Variants in STPG2 observed in about 807,000 individuals in gnomAD.
STPG2 encodes sperm-tail PG-rich repeat-containing protein 2.
In STPG2, 56 loss-of-function variants were observed where a neutral mutation model predicts 54.2. That is an observed-to-expected ratio of 1.03 (90% CI 0.83 to 1.29). The LOEUF (loss-of-function observed/expected upper bound fraction) is 1.29, where lower values mean the gene tolerates loss of function less well. STPG2 is among the 50% of genes most tolerant of loss of function. The pLI, the probability that STPG2 is intolerant of heterozygous loss-of-function variation, is 0.00. For missense variants in STPG2, 596 were observed against 544.9 expected, an observed-to-expected ratio of 1.09 and a Z score of -0.93; for synonymous variants, 200 against 181.8, an observed-to-expected ratio of 1.10 and a Z score of -0.81.
intron 8 of STPG2, among the ~76,000 whole-genome samples, chr4:97,911,769 T>A (rs1401906972): frequency 6.6e-6 from 1 of 152,116 alleles, no homozygotes; most frequent in African/African-American, 2.4e-5. Context: ...GCCTGCCGGC[T>A]GTGGAGAGTC....
intron 7 of STPG2, among the ~76,000 whole-genome samples, chr4:97,968,877 C>T (rs550057535): frequency 1.3e-5 from 2 of 152,154 alleles, no homozygotes; most frequent in Non-Finnish European, 2.9e-5. Context: ...GCCAACAGCG[C>T]GTGATGTGCT....
At chr4:97,956,564 C>T (rs1733683299) in intron 7 of STPG2, among the ~76,000 whole-genome samples, 1 of 152,094 alleles carries the variant, frequency 6.6e-6, no homozygotes, top group South Asian at 2.1e-4. Flanking sequence ...CAGATTGCTC[C>T]TGCAGGAGCC....
intron 9 of STPG2, among the ~76,000 whole-genome samples, chr4:97,726,815 C>T (rs1274496044): frequency 6.7e-6 from 1 of 149,970 alleles, no homozygotes; most frequent in Non-Finnish European, 1.5e-5. Flanking sequence ...TACAAACATA[C>T]ACACACACAC....
intron 9 of STPG2, among the ~76,000 whole-genome samples, chr4:97,815,142 G>C (rs1440588014): frequency 6.6e-6 from 1 of 152,150 alleles, no homozygotes; most frequent in Admixed American, 6.6e-5. Context: ...TAAAGGCAAA[G>C]AGAAAACATA....
rs557075497 is a variant in STPG2, at chr4:97,802,301, T to C, written c.1204+38472A>G. Reference sequence around the variant, plus strand: ...TTTCAAAACATATTCTAGAGAACATTTGACAACTGTATATGGCATTCTCCC... The same window carrying C: ...TTTCAAAACATATTCTAGAGAACATCTGACAACTGTATATGGCATTCTCCC... On this transcript the variant is annotated intron_variant, in intron 9 of 10. Transcript: ENST00000295268. Among the ~76,000 whole-genome samples, 17 of 152,236 alleles carry C rather than the reference T, an allele frequency of 1.1e-4. No individual in the cohort carries two copies. In the East Asian group the frequency reaches 2.9e-3, roughly 26 times the overall value.
At chr4:98,118,654 C>G (rs1181724624) in intron 3 of STPG2, among the ~76,000 whole-genome samples, 1 of 152,122 alleles carries the variant, frequency 6.6e-6, no homozygotes, top group African/African-American at 2.4e-5. Flanking sequence ...ACAGATCTTA[C>G]TTTGAAATAC....
chr4:97,943,813 A>C, intron 8 of STPG2, 84 bp downstream of exon 8: 3 of 995,480 alleles, frequency 3.0e-6, no homozygotes, highest in Non-Finnish European at 4.4e-6. Context: ...TACCTCACTC[A>C]GGTCCTAATA....
At position 97,946,156 on chromosome 4, in the gene STPG2, A is replaced by G. The variant is rs1032507377; in HGVS notation, c.934-2149T>C. Among the ~76,000 whole-genome samples the G allele has an allele frequency of 6.0e-4, 91 of 152,250 alleles. 1 individual carries two copies. Among genetic ancestry groups the G allele is most frequent in the Middle Eastern group, 6.8e-3 (2 of 294 alleles). ...ATTTCCCTGATGACTAGTGATGTTGAATATTTTTTCATATATTTGCTGGCC... is the reference window on the plus strand; with the variant it reads ...ATTTCCCTGATGACTAGTGATGTTGGATATTTTTTCATATATTTGCTGGCC... On this transcript the variant is annotated intron_variant, in intron 7 of 10. Coordinates refer to ENST00000295268, the MANE Select transcript of STPG2 (RefSeq NM_174952.3).
chr4:97,865,282 G>A (rs1729724716), intron 8 of STPG2, among the ~76,000 whole-genome samples: 1 of 152,076 alleles, frequency 6.6e-6, no homozygotes, highest in Admixed American at 6.6e-5. Flanking sequence ...AGTGGACAAA[G>A]GATATGAAAA....
At chr4:98,137,800 A>C (rs1458710084) in intron 1 of STPG2, among the ~76,000 whole-genome samples, 1 of 151,882 alleles carries the variant, frequency 6.6e-6, no homozygotes, top group African/African-American at 2.4e-5. Flanking sequence ...GAGTATACAT[A>C]TATATGAAAT....
intron 5 of STPG2, among the ~76,000 whole-genome samples, chr4:97,991,073 C>T (rs969999882): frequency 2.6e-5 from 4 of 152,024 alleles, no homozygotes; most frequent in African/African-American, 9.7e-5. Context: ...CCATCCCACC[C>T]TTTCCCTCGA....
intron 2 of STPG2, among the ~76,000 whole-genome samples, chr4:98,130,943 AAAAAAAAC>A (rs1739976073): frequency 3.1e-5 from 4 of 127,740 alleles, no homozygotes; most frequent in Non-Finnish European, 6.9e-5. Context: ...AAAAAAACAA[AAAAAAAAC>A]GACTTTCCAA....
intron 4 of STPG2, among the ~76,000 whole-genome samples, chr4:97,466,251 G>C (rs1329641646): frequency 6.6e-6 from 1 of 151,948 alleles, no homozygotes; most frequent in Non-Finnish European, 1.5e-5. Context: ...AGAAATTTTT[G>C]TGTTTATACA....
At chr4:97,454,170 G>A (rs1729449975) in intron 4 of STPG2, among the ~76,000 whole-genome samples, 1 of 152,080 alleles carries the variant, frequency 6.6e-6, no homozygotes, top group African/African-American at 2.4e-5. Flanking sequence ...AAAGAAGCTT[G>A]CCAGGCTTAA....
At chr4:97,753,920 C>A (rs1585088) in intron 9 of STPG2, among the ~76,000 whole-genome samples, 64,343 of 151,656 alleles carry the variant, frequency 0.42, 14,161 homozygotes, top group Admixed American at 0.54. Context: ...GATATTAATT[C>A]TTTATCAGAT....
chr4:97,699,277 C>T (rs1723689376), intron 10 of STPG2, among the ~76,000 whole-genome samples: 1 of 152,288 alleles, frequency 6.6e-6, no homozygotes, highest in African/African-American at 2.4e-5. Flanking sequence ...TGTTCATGGG[C>T]CCATTGGGCA....
chr4:97,690,284 T>G (rs1045307161), intron 10 of STPG2, among the ~76,000 whole-genome samples: 5 of 152,100 alleles, frequency 3.3e-5, no homozygotes, highest in African/African-American at 1.2e-4. Context: ...GTTCAAGCTA[T>G]CATATCCGAG....
intron 5 of STPG2, among the ~76,000 whole-genome samples, chr4:98,067,064 C>T (rs1737857312): frequency 6.6e-6 from 1 of 152,132 alleles, no homozygotes; most frequent in South Asian, 2.1e-4. Flanking sequence ...AACATGGCCT[C>T]ATCAACTAAA....
At chr4:97,894,050 G>T (rs1424655049) in intron 8 of STPG2, among the ~76,000 whole-genome samples, 1 of 151,912 alleles carries the variant, frequency 6.6e-6, no homozygotes, top group South Asian at 2.1e-4. Context: ...AGAGTATAAA[G>T]GTCTATGTGT....
Sources: gnomAD v4.1 joint callset for allele counts (sites outside exome capture counted in the v4.1 genomes callset) on GRCh38, gnomAD v4.1.1 for gene constraint, MANE v1.5 for transcripts, NCBI Gene and HGNC (gene_info 2026-07-23, HGNC 2026-07-21) for gene names.